The following IKBKE variants were observed in gnomAD, a reference collection of about 807,000 sequenced individuals.
The protein encoded by IKBKE is inhibitor of nuclear factor kappa B kinase subunit epsilon.
A neutral mutation model predicts 92.1 loss-of-function variants in IKBKE; 45 were observed. The ratio of observed to expected loss-of-function variants is 0.49; its 90% CI spans 0.38 to 0.63. The LOEUF is 0.63. Ranked by LOEUF, IKBKE falls within the 20% of genes least tolerant of loss-of-function variation. The pLI, the probability that IKBKE is intolerant of heterozygous loss-of-function variation, is 0.00. For missense variants in IKBKE, 700 were observed against 932.8 expected (o/e 0.75, Z 3.25); for synonymous variants, 374 against 380.3 (o/e 0.98, Z 0.19).
Position 206,476,275 on chromosome 1 carries a change from C to T in IKBKE, c.453C>T (p.Ser151=), listed in dbSNP as rs1665058475. 1 of 1,614,126 alleles carries T rather than the reference C, an allele frequency of 6.2e-7. No homozygotes were observed. Among genetic ancestry groups the T allele is most frequent in the Non-Finnish European group, 8.5e-7 (1 of 1,180,004 alleles). ...IMRLVGEEGQ[S]IYKLTDFGAA... ...GCCTCGTAGGGGAGGAGGGGCAGAG[C>T]ATCTACAAGCTGACAGACTTCGGCG... Residue 151 remains serine, a synonymous_variant, in exon 6 of 22, where the codon AGC becomes AGT. Coordinates refer to ENST00000581977, the MANE Select transcript of IKBKE (RefSeq NM_014002.4). The surrounding 1 kb of genome is among the most constrained non-coding windows in gnomAD (Gnocchi z 5.1).
At position 206,480,011 on chromosome 1, in the gene IKBKE, CTG is replaced by C. The variant is rs1665286427; in HGVS notation, c.1249-7_1249-6del. ...GTGTGGGACCTGGCCCTGTGCATCT[CTG>C]TGTTTCAGGGCGTGTTGGGCGCCGG... On this transcript the variant is annotated splice_polypyrimidine_tract_variant and intron_variant, in intron 11 of 21. Coordinates refer to ENST00000581977, the MANE Select transcript of IKBKE (RefSeq NM_014002.4). 1.9e-6 allele frequency: 3 copies of C among 1,610,872 alleles called. No individual in the cohort carries two copies. The highest frequency in any genetic ancestry group is 2.7e-5 in the African/African-American group (2 of 74,708).
At chr1:206,484,095 TTTGTA>T (rs56098571) in intron 13 of IKBKE, among the ~76,000 whole-genome samples, 15,666 of 121,966 alleles carry the variant, frequency 0.13, 1,210 homozygotes, top group African/African-American at 0.21. Flanking sequence ...TGGCTTTTAT[TTTGTA>T]TTGTATTGTA....
chr1:206,473,828 G>T (rs1232399302), intron 3 of IKBKE, among the ~76,000 whole-genome samples: 1 of 151,954 alleles, frequency 6.6e-6, no homozygotes, highest in African/African-American at 2.4e-5. Context: ...TGGGCATGGT[G>T]GCGTGCACCT....
chr1:206,495,990 A>C, intron 21 of IKBKE, 122 bp from the exon 22 acceptor site: 1 of 656,548 alleles, frequency 1.5e-6, no homozygotes, highest in Non-Finnish European at 2.7e-6. Context: ...GGGTGCTACA[A>C]GGGGAGAGCT....
chr1:206,491,229 G>A (rs926875860), intron 17 of IKBKE: 10 of 379,952 alleles, frequency 2.6e-5, no homozygotes, highest in Middle Eastern at 7.4e-4. Context: ...ACACACTCAC[G>A]TCCAGGAGGC....
chr1:206,483,220 C>T (rs538022032), intron 13 of IKBKE, among the ~76,000 whole-genome samples: 1 of 152,344 alleles, frequency 6.6e-6, no homozygotes, highest in African/African-American at 2.4e-5. Context: ...GGAAATTTGT[C>T]TCCTCGTTTT....
rs540767014 is a variant in IKBKE at position 206,489,404 on chromosome 1, C to T, written c.1693+1414C>T. ...ATATATATATATATATATATATACA[C>T]ACACACACATACATGGAGCTGTGTG... On this transcript the variant is annotated intron_variant, in intron 16 of 21. Coordinates refer to ENST00000581977, the MANE Select transcript of IKBKE (RefSeq NM_014002.4). Among the ~76,000 whole-genome samples, 82 of 145,696 alleles carry T rather than the reference C, an allele frequency of 5.6e-4. No homozygotes were observed. In the East Asian group the frequency reaches 0.01, roughly 19 times the overall value.
chr1:206,493,462 G>C (rs997084082), intron 20 of IKBKE, 84 bp downstream of exon 20: 169 of 1,056,980 alleles, frequency 1.6e-4, no homozygotes, highest in Middle Eastern at 1.0e-3. Flanking sequence ...GAGCCTGAGG[G>C]GTTTGGCGTC....
chr1:206,480,324 G>C, intron 12 of IKBKE, 123 bp from the exon 13 acceptor site: 1 of 829,816 alleles, frequency 1.2e-6, no homozygotes, highest in Non-Finnish European at 1.9e-6. Flanking sequence ...CAGGCCGGAG[G>C]GGGAGGCAGG....
At chr1:206,492,909 G>A in intron 18 of IKBKE, 114 bp from the exon 19 acceptor site, 2 of 876,080 alleles carry the variant, frequency 2.3e-6, no homozygotes, top group Non-Finnish European at 3.8e-6. Context: ...CAGCGAGGGA[G>A]GCAAATACCC....
rs1553385951 is a variant in IKBKE at position 206,478,163 on chromosome 1, G to A, written c.816G>A (p.Gly272=). Residue 272 remains glycine (G), a synonymous_variant, in exon 9 of 22, where the codon GGG becomes GGA. Transcript: ENST00000581977. The surrounding 1 kb of genome is among the most constrained non-coding windows in gnomAD (Gnocchi z 4.8). ...TCTCCATGTCCTGGGAGGGCAGGGG[G>A]CTGCAGAGCCAGCTGGTGCCCATCC... ...TLPITCQLSL[G]LQSQLVPILA... 8 of 1,613,408 alleles carry A rather than the reference G, an allele frequency of 5.0e-6. No individual in the cohort carries two copies. In the East Asian group the frequency reaches 1.1e-4, roughly 22 times the overall value.
chr1:206,492,778 A>G (rs371031650), intron 18 of IKBKE: 5 of 634,948 alleles, frequency 7.9e-6, no homozygotes, highest in East Asian at 3.3e-5. Context: ...AGCCACATGC[A>G]TGTTGTTGGT....
chr1:206,470,959 A>G (rs1393491762), intron 1 of IKBKE, among the ~76,000 whole-genome samples, 197 bp from the exon 2 acceptor site: 2 of 152,180 alleles, frequency 1.3e-5, no homozygotes, highest in African/African-American at 4.8e-5. Flanking sequence ...CCCTGGCCGG[A>G]GTCTCAGGAG....
Position 206,490,954 on chromosome 1 carries a change from C to G in IKBKE, c.1733+96C>G, listed in dbSNP as rs1653774163. ...CGCCAGAGGAGAGGCAGTGAAGGGC[C>G]CTGTCCCGGACTGCAGCTGAGCAGA... On this transcript the variant is annotated intron_variant, in intron 17 of 21. Coordinates refer to ENST00000581977, the MANE Select transcript of IKBKE (RefSeq NM_014002.4). The surrounding 1 kb of genome is among the most constrained non-coding windows in gnomAD (Gnocchi z 5.2). 8.5e-7 allele frequency: 1 copy of G among 1,170,176 alleles called. No individual in the cohort carries two copies. Among genetic ancestry groups the G allele is most frequent in the Non-Finnish European group, 1.3e-6 (1 of 782,748 alleles). The allele number at this position is 1,170,176 out of a possible 1,614,324, so 72.5% of individuals were successfully genotyped here.
chr1:206,474,315 C>T lies in IKBKE; in HGVS notation c.88-16C>T. ...TAATCCCATGCTGTCTCCCACTGCT[C>T]CCTCCCCAATGGCAGAAATCCGGAG... is the stretch of plus-strand genomic sequence containing the variant. On this transcript the variant is annotated splice_polypyrimidine_tract_variant and intron_variant, in intron 3 of 21. Coordinates refer to ENST00000581977, the MANE Select transcript of IKBKE (RefSeq NM_014002.4). 6.2e-7 allele frequency: 1 copy of T among 1,607,514 alleles called. No individual in the cohort carries two copies. Among genetic ancestry groups the T allele is most frequent in the Non-Finnish European group, 8.5e-7 (1 of 1,176,228 alleles).
intron 19 of IKBKE, 24 bp from the exon 20 acceptor site, chr1:206,493,242 G>A (rs200735334): frequency 7.5e-6 from 12 of 1,604,532 alleles, no homozygotes; most frequent in Non-Finnish European, 1.0e-5. Flanking sequence ...ACTAATTGCT[G>A]ACCAAAGTAT....
At position 206,478,037 on chromosome 1, in the gene IKBKE, A is replaced by ACCCTG; in HGVS notation, c.813-119_813-115dup. 1.5e-6 allele frequency: 1 copy of ACCCTG among 675,404 alleles called. No homozygotes were observed. The highest frequency in any genetic ancestry group is 3.0e-5 in the East Asian group (1 of 33,892). The allele number at this position is 675,404 out of a possible 1,614,324, so 41.8% of individuals were successfully genotyped here. On this transcript the variant is annotated intron_variant, in intron 8 of 21. Coordinates refer to ENST00000581977, the MANE Select transcript of IKBKE (RefSeq NM_014002.4). This position sits in a 1 kb window ranked among gnomAD's most constrained non-coding sequence, Gnocchi z 4.8. The stretch of plus-strand genomic sequence containing the variant: ...TCTTCCAGCTCTTCCTCCCCAACCC[A>ACCCTG]CCCTGCCCCACCATCTTGGTCCTAG...
rs1475585500 is a variant in IKBKE, at chr1:206,490,379, G to A, written c.1694-440G>A. Among the ~76,000 whole-genome samples, 2 of 152,160 alleles carry A rather than the reference G, an allele frequency of 1.3e-5. No homozygotes were observed. Among genetic ancestry groups the A allele is most frequent in the Non-Finnish European group, 2.9e-5 (2 of 68,016 alleles). ...GCAGAGCGGGGAGGTAGAAGGTGGT[G>A]GCCTGATTTCTCCAGCTCGTTGCAG... On this transcript the variant is annotated intron_variant, in intron 16 of 21. Transcript: ENST00000581977. This position sits in a 1 kb window ranked among gnomAD's most constrained non-coding sequence, Gnocchi z 5.2.
Position 206,476,185 on chromosome 1 carries a change from C to A in IKBKE, c.363C>A (p.Ala121=). ...EFLVVLRCVV[A]GMNHLRENGI... is the part of the protein sequence containing the mutation. ...GGCCTCCCCGTCTGTCCCCAGTGGC[C>A]GGCATGAACCACCTGCGGGAGAACG... The change falls in exon 6 of 22, where the codon GCC becomes GCA. Residue 121 remains alanine (A), a synonymous_variant. Coordinates refer to ENST00000581977, the MANE Select transcript of IKBKE (RefSeq NM_014002.4). This position sits in a 1 kb window ranked among gnomAD's most constrained non-coding sequence, Gnocchi z 5.1. The A allele has an allele frequency of 6.2e-7, 1 of 1,613,920 alleles. No homozygotes were observed. Among genetic ancestry groups the A allele is most frequent in the Non-Finnish European group, 8.5e-7 (1 of 1,180,000 alleles).
Sources: gnomAD v4.1 joint callset for allele counts (sites outside exome capture counted in the v4.1 genomes callset) on GRCh38, gnomAD v4.1.1 for gene constraint, Gnocchi (gnomAD v3.1) non-coding constraint, MANE v1.5 for transcripts, NCBI Gene and HGNC (gene_info 2026-07-23, HGNC 2026-07-21) for gene names.